The following ANKS1B variants were observed in gnomAD, a reference collection of about 807,000 sequenced individuals.
ANKS1B encodes the protein ankyrin repeat and sterile alpha motif domain-containing protein 1B.
A neutral mutation model predicts 148.3 loss-of-function variants in ANKS1B; 36 were observed. The observed-to-expected ratio is 0.24, with a 90% CI of 0.19 to 0.32. ANKS1B has a LOEUF of 0.32. Among genes scored for constraint, ANKS1B ranks in the 10% least tolerant of loss-of-function variants. ANKS1B has a pLI of 1.00. For synonymous variants in ANKS1B, 542 were observed against 560.8 expected, an observed-to-expected ratio of 0.97 and a Z score of 0.47; for missense variants, 1,157 against 1,542.6, an observed-to-expected ratio of 0.75 and a Z score of 4.19.
At chr12:99,673,222 A>G (rs1328072332) in intron 8 of ANKS1B, among the ~76,000 whole-genome samples, 1 of 152,144 alleles carries the variant, frequency 6.6e-6, no homozygotes, top group African/African-American at 2.4e-5. Context: ...TGCCTGGAAG[A>G]ACTGGAAAAT....
At chr12:99,253,387 T>C (rs2074878025) in intron 12 of ANKS1B, among the ~76,000 whole-genome samples, 1 of 151,978 alleles carries the variant, frequency 6.6e-6, no homozygotes, top group East Asian at 1.9e-4. Context: ...CAGGAAGCCT[T>C]CCTGAATCAA....
chr12:98,741,289 G>A (rs192143994), downstream of ANKS1B, among the ~76,000 whole-genome samples: 2 of 152,172 alleles, frequency 1.3e-5, no homozygotes, highest in Admixed American at 6.5e-5. Context: ...ATGAGTAACC[G>A]GGCATCTAGC....
chr12:98,894,858 T>TCCCCGCGAGCTCC (rs2099760998), intron 17 of ANKS1B: 4 of 979,828 alleles, frequency 4.1e-6, no homozygotes, highest in Non-Finnish European at 4.8e-6. Flanking sequence ...CGCCGGGCTC[T>TCCCCGCGAGCTCC]CCCCGCGAGC....
At chr12:99,838,989 CT>C (rs2153695643) in intron 1 of ANKS1B, among the ~76,000 whole-genome samples, 1 of 152,128 alleles carries the variant, frequency 6.6e-6, no homozygotes. Context: ...ATTTCTATAG[CT>C]TTATAGCATA....
intron 17 of ANKS1B, among the ~76,000 whole-genome samples, chr12:98,920,160 G>A (rs2099799546): frequency 6.6e-6 from 1 of 152,168 alleles, no homozygotes; most frequent in African/African-American, 2.4e-5. Flanking sequence ...GCAGAAACAT[G>A]ACCACAATAT....
At chr12:99,260,532 C>T (rs1395400306) in intron 12 of ANKS1B, among the ~76,000 whole-genome samples, 5 of 152,044 alleles carry the variant, frequency 3.3e-5, no homozygotes, top group African/African-American at 7.2e-5. Context: ...ACAAGATACA[C>T]CATAGAAAAT....
intron 12 of ANKS1B, among the ~76,000 whole-genome samples, chr12:99,297,329 G>A (rs940667543): frequency 9.2e-5 from 14 of 152,098 alleles, no homozygotes; most frequent in Non-Finnish European, 1.2e-4. Context: ...ATGTTGCAAA[G>A]GTATAAATAA....
At chr12:99,713,640 A>C (rs907416756) in intron 8 of ANKS1B, among the ~76,000 whole-genome samples, 1 of 152,216 alleles carries the variant, frequency 6.6e-6, no homozygotes, top group Non-Finnish European at 1.5e-5. Flanking sequence ...CTGGGCCATT[A>C]TGAGGAGTTC....
At chr12:98,766,302 G>A (rs2098479644) in intron 25 of ANKS1B, among the ~76,000 whole-genome samples, 1 of 152,062 alleles carries the variant, frequency 6.6e-6, no homozygotes, top group Non-Finnish European at 1.5e-5. Flanking sequence ...TAGTGTAGAA[G>A]GACCATTGGA....
intron 4 of ANKS1B, among the ~76,000 whole-genome samples, chr12:99,783,694 G>T (rs1308495171): frequency 6.6e-6 from 1 of 152,118 alleles, no homozygotes; most frequent in African/African-American, 2.4e-5. Flanking sequence ...CATAGAAGTA[G>T]AGAGTAACAT....
chr12:99,901,351 G>A (rs1469191123), intron 1 of ANKS1B, among the ~76,000 whole-genome samples: 1 of 152,136 alleles, frequency 6.6e-6, no homozygotes, highest in Non-Finnish European at 1.5e-5. Flanking sequence ...TTCACATTTA[G>A]CAATTATCTC....
intron 12 of ANKS1B, among the ~76,000 whole-genome samples, chr12:99,313,966 G>A (rs187028899): frequency 2.6e-5 from 4 of 152,302 alleles, no homozygotes; most frequent in African/African-American, 7.2e-5. Context: ...TAGGAAGAGA[G>A]GAAGTCAAAT....
At position 99,984,274 on chromosome 12, in the gene ANKS1B, C is replaced by G. The variant is rs752752296; in HGVS notation, c.-37G>C. On this transcript the variant is annotated 5_prime_UTR_variant, in exon 1 of 27. Transcript: ENST00000683438. The stretch of plus-strand genomic sequence containing the variant: ...GACTCCCCCACAGAGTCCTTGCCCC[C>G]CTCGGGTCCTCCTCCCCACCCACCC... 10 of 1,583,094 alleles carry G rather than the reference C, an allele frequency of 6.3e-6. No homozygotes were observed. The highest frequency in any genetic ancestry group is 1.2e-5 in the South Asian group (1 of 86,820).
At chr12:99,980,324 T>C (rs1200945817) in intron 1 of ANKS1B, among the ~76,000 whole-genome samples, 2 of 152,058 alleles carry the variant, frequency 1.3e-5, no homozygotes, top group Admixed American at 1.3e-4. Context: ...TTTAATTACA[T>C]AATACATATT....
intron 4 of ANKS1B, among the ~76,000 whole-genome samples, chr12:99,801,276 C>T (rs1049202467): frequency 5.9e-5 from 9 of 152,152 alleles, no homozygotes; most frequent in African/African-American, 1.9e-4. Context: ...CAGAGATTCC[C>T]AGGCTAACTT....
At chr12:99,871,727 T>C (rs1229554926) in intron 1 of ANKS1B, among the ~76,000 whole-genome samples, 1 of 152,120 alleles carries the variant, frequency 6.6e-6, no homozygotes, top group Non-Finnish European at 1.5e-5. Flanking sequence ...ACATTATTGG[T>C]GTATAGAAAT....
intron 8 of ANKS1B, among the ~76,000 whole-genome samples, chr12:99,696,655 T>C (rs1370800886): frequency 2.0e-5 from 3 of 152,190 alleles, no homozygotes; most frequent in African/African-American, 7.2e-5. Flanking sequence ...CTAGATAGTG[T>C]TGGGTTTGGC....
chr12:99,349,961 T>A (rs1165295819), intron 12 of ANKS1B, among the ~76,000 whole-genome samples: 1 of 152,044 alleles, frequency 6.6e-6, no homozygotes, highest in Non-Finnish European at 1.5e-5. Context: ...GTTATGTATA[T>A]TTTATCACAA....
At chr12:99,274,441 T>C (rs1278625007) in intron 12 of ANKS1B, among the ~76,000 whole-genome samples, 3 of 152,210 alleles carry the variant, frequency 2.0e-5, no homozygotes, top group Admixed American at 6.5e-5. Context: ...CTATTTTCCA[T>C]GTTATTGCAA....
Sources: gnomAD v4.1 joint callset for allele counts (sites outside exome capture counted in the v4.1 genomes callset) on GRCh38, gnomAD v4.1.1 for gene constraint, MANE v1.5 for transcripts, NCBI Gene and HGNC (gene_info 2026-07-23, HGNC 2026-07-21) for gene names.